The following PCDHA1 variants were observed in gnomAD, a reference collection of about 807,000 sequenced individuals.
The protein encoded by PCDHA1 is protocadherin alpha-1.
In PCDHA1, 42 loss-of-function variants were observed where a neutral mutation model predicts 61.3. That is an observed-to-expected ratio of 0.69 (90% confidence interval 0.54 to 0.89). PCDHA1 has a LOEUF of 0.89. PCDHA1 is among the 40% of genes least tolerant of loss of function. The probability of loss-of-function intolerance (pLI) is 0.00; values close to 1 mark genes in which losing one functional copy is unlikely to be tolerated. For missense variants in PCDHA1, 1,256 were observed against 1,235.3 expected, an observed-to-expected ratio of 1.02 and a Z score of -0.25; for synonymous variants, 610 against 553.8, an observed-to-expected ratio of 1.10 and a Z score of -1.43.
chr5:140,809,115 C>T (rs17844284), intron 1 of PCDHA1: 1 of 1,613,980 alleles, frequency 6.2e-7, no homozygotes, highest in South Asian at 1.1e-5. Flanking sequence ...ACGGACGCTC[C>T]GCGCCACCGC....
intron 3 of PCDHA1, among the ~76,000 whole-genome samples, chr5:141,001,524 C>T (rs952372807): frequency 6.6e-6 from 1 of 152,202 alleles, no homozygotes; most frequent in Non-Finnish European, 1.5e-5. Context: ...CTCCCTCTCT[C>T]TCTGATCCTG....
intron 1 of PCDHA1, among the ~76,000 whole-genome samples, chr5:140,934,446 A>G (rs527371307): frequency 2.0e-5 from 3 of 152,188 alleles, no homozygotes; most frequent in Non-Finnish European, 4.4e-5. Context: ...ATAGTGAAAA[A>G]TGCAAATAAT....
chr5:140,796,038 C>T (rs200785856), intron 1 of PCDHA1: 15 of 1,614,212 alleles, frequency 9.3e-6, no homozygotes, highest in Non-Finnish European at 1.3e-5. Flanking sequence ...TCTCACTTCC[C>T]ATCTCAGAGA....
At chr5:140,879,634 C>T (rs888836313) in intron 1 of PCDHA1, among the ~76,000 whole-genome samples, 2 of 152,306 alleles carry the variant, frequency 1.3e-5, no homozygotes, top group Admixed American at 1.3e-4. Context: ...GTAAGTGTGT[C>T]GCTTCCTGTG....
chr5:140,882,898 A>T lies in PCDHA1; in HGVS notation c.2394+94214A>T, dbSNP rs781828373. 6 of 1,614,100 alleles carry T rather than the reference A, an allele frequency of 3.7e-6. No individual in the cohort carries two copies. In the Admixed American group the frequency reaches 5.0e-5, roughly 13 times the overall value. On this transcript the variant is annotated intron_variant, in intron 1 of 3. Coordinates refer to ENST00000504120, the MANE Select transcript of PCDHA1 (RefSeq NM_018900.4). ...GAGAGGAAATTCAGGAACATAGTTT[A>T]TTACTGACAGCCAGTGATGGAGGTA...
At chr5:140,841,381 C>T (rs2150314479) in intron 1 of PCDHA1, 1 of 1,613,486 alleles carries the variant, frequency 6.2e-7, no homozygotes, top group Non-Finnish European at 8.5e-7. Flanking sequence ...TGCTTCTGCT[C>T]CTCGCAGCCT....
intron 1 of PCDHA1, among the ~76,000 whole-genome samples, chr5:140,963,229 G>A (rs1211084766): frequency 2.6e-5 from 4 of 152,134 alleles, no homozygotes; most frequent in African/African-American, 7.2e-5. Context: ...AGTAGACACT[G>A]TTTGATGGAT....
At chr5:140,840,247 T>C (rs1554137745) in intron 1 of PCDHA1, among the ~76,000 whole-genome samples, 1 of 152,032 alleles carries the variant, frequency 6.6e-6, no homozygotes, top group African/African-American at 2.4e-5. Context: ...CACTATGCTA[T>C]AAAAATTGTG....
At position 140,792,368 on chromosome 5, in the gene PCDHA1, T is replaced by G. The variant is rs369183559; in HGVS notation, c.2394+3684T>G. ...ATCTTTGTTACATCTGCAAAGACCT[T>G]TATTCCAAATAAGGTCACTTATTTA... On this transcript the variant is annotated intron_variant, in intron 1 of 3. Transcript: ENST00000504120. Among the ~76,000 whole-genome samples the G allele has an allele frequency of 1.3e-4, 20 of 152,280 alleles. No homozygotes were observed. In the East Asian group the frequency reaches 2.3e-3, roughly 18 times the overall value.
chr5:140,855,043 A>T (rs1177113480), intron 1 of PCDHA1, among the ~76,000 whole-genome samples: 2 of 149,900 alleles, frequency 1.3e-5, no homozygotes, highest in African/African-American at 4.9e-5. Flanking sequence ...TTTTTCTGTA[A>T]TAGTACTTTT....
At chr5:140,858,227 G>C (rs782000026) in intron 1 of PCDHA1, 1 of 1,596,486 alleles carries the variant, frequency 6.3e-7, no homozygotes. Context: ...GGCGCCCACC[G>C]AGGGCGCATG....
At chr5:140,981,342 G>A (rs2096927846) in intron 2 of PCDHA1, among the ~76,000 whole-genome samples, 1 of 152,176 alleles carries the variant, frequency 6.6e-6, no homozygotes, top group African/African-American at 2.4e-5. Flanking sequence ...GGGAGGGTGA[G>A]GCAGGTGGAT....
chr5:140,956,562 T>C (rs1395246956), intron 1 of PCDHA1, among the ~76,000 whole-genome samples: 1 of 152,212 alleles, frequency 6.6e-6, no homozygotes, highest in Non-Finnish European at 1.5e-5. Flanking sequence ...CAGTATCTTA[T>C]TGAGGATTTT....
chr5:140,936,270 T>G (rs1367001317), intron 1 of PCDHA1, among the ~76,000 whole-genome samples: 2 of 152,226 alleles, frequency 1.3e-5, no homozygotes, highest in Non-Finnish European at 2.9e-5. Context: ...GAAGATATAT[T>G]CCTGTGTTTT....
intron 3 of PCDHA1, among the ~76,000 whole-genome samples, chr5:141,005,586 C>T (rs1428172819): frequency 6.6e-6 from 1 of 150,712 alleles, no homozygotes; most frequent in Non-Finnish European, 1.5e-5. Flanking sequence ...CCTGTAGTCC[C>T]AGCTACACAG....
intron 1 of PCDHA1, chr5:140,843,149 G>A: frequency 6.3e-7 from 1 of 1,596,096 alleles, no homozygotes; most frequent in Non-Finnish European, 8.6e-7. Context: ...GCTTTCGTAT[G>A]AGCTGCAGCC....
chr5:140,999,295 T>G (rs1554256739), intron 3 of PCDHA1, among the ~76,000 whole-genome samples: 1 of 152,238 alleles, frequency 6.6e-6, no homozygotes, highest in Non-Finnish European at 1.5e-5. Context: ...ATTCTTTATT[T>G]CAGAATTTCT....
At chr5:140,843,120 A>T (rs782103518) in intron 1 of PCDHA1, 2 of 1,595,472 alleles carry the variant, frequency 1.3e-6, no homozygotes, top group African/African-American at 2.7e-5. Flanking sequence ...GTGGACGCCG[A>T]CTCGGGCTAC....
chr5:140,929,233 C>T (rs782744711), intron 1 of PCDHA1: 5 of 1,613,786 alleles, frequency 3.1e-6, no homozygotes, highest in Non-Finnish European at 8.5e-7. Flanking sequence ...TGCCGACCTG[C>T]GAAATCTTGC....
Sources: gnomAD v4.1 joint callset for allele counts (sites outside exome capture counted in the v4.1 genomes callset) on GRCh38, gnomAD v4.1.1 for gene constraint, MANE v1.5 for transcripts, NCBI Gene and HGNC (gene_info 2026-07-23, HGNC 2026-07-21) for gene names.